Variants in SEMA5A observed in about 807,000 individuals in gnomAD.
SEMA5A encodes semaphorin 5A, also known as semaphorin-5A.
Under a neutral mutation model 135.5 loss-of-function variants are expected in SEMA5A, and 55 were observed. That is an observed-to-expected ratio of 0.41 (90% CI 0.33 to 0.51). The LOEUF is 0.51. Ranked by LOEUF, SEMA5A falls within the 20% of genes least tolerant of loss-of-function variation. SEMA5A has a pLI of 0.37. For synonymous variants in SEMA5A, 580 were observed against 546.5 expected (o/e 1.06, Z -0.85); for missense variants, 1,290 against 1,419.9 (o/e 0.91, Z 1.47).
intron 2 of SEMA5A, among the ~76,000 whole-genome samples, chr5:9,423,616 C>A (rs1757547556): frequency 6.6e-6 from 1 of 152,216 alleles, no homozygotes; most frequent in Admixed American, 6.5e-5. Flanking sequence ...AAATGTATTT[C>A]TCTTTGATAG....
intron 16 of SEMA5A, among the ~76,000 whole-genome samples, chr5:9,067,602 T>C (rs1737546910): frequency 6.6e-6 from 1 of 152,042 alleles, no homozygotes; most frequent in Non-Finnish European, 1.5e-5. Context: ...TAAAATAAAA[T>C]AAATTGCTCT....
chr5:9,474,788 C>A (rs1392397612), intron 1 of SEMA5A, among the ~76,000 whole-genome samples: 2 of 152,148 alleles, frequency 1.3e-5, no homozygotes, highest in South Asian at 4.1e-4. Context: ...CCCCCTCGCC[C>A]GAGACACTCT....
intron 16 of SEMA5A, among the ~76,000 whole-genome samples, chr5:9,107,578 A>G (rs1169506061): frequency 6.6e-6 from 1 of 152,220 alleles, no homozygotes. Flanking sequence ...TTTGTGACTC[A>G]GAAATCAGAA....
rs367727492 is a variant in SEMA5A at position 9,379,976 on chromosome 5, C to T, written c.-30G>A. 1.4e-5 allele frequency: 23 copies of T among 1,592,046 alleles called. No individual in the cohort carries two copies. Among genetic ancestry groups the T allele is most frequent in the Middle Eastern group, 1.7e-4 (1 of 5,920 alleles). On this transcript the variant is annotated 5_prime_UTR_variant, in exon 3 of 23. It adds an upstream start codon to the 5' untranslated region. Coordinates refer to ENST00000382496, the MANE Select transcript of SEMA5A (RefSeq NM_003966.3). ...GGCAAGGGGCCTCTGACTCTGGGCA[C>T]GTGTCTTCTAAACAGAAGCTCTTCT...
chr5:9,153,650 C>T (rs887168091), intron 12 of SEMA5A, among the ~76,000 whole-genome samples: 4 of 151,966 alleles, frequency 2.6e-5, no homozygotes, highest in African/African-American at 9.7e-5. Flanking sequence ...ACTGCAGCAA[C>T]ATCAACCACT....
At chr5:9,075,818 G>C (rs1289237421) in intron 16 of SEMA5A, among the ~76,000 whole-genome samples, 2 of 152,068 alleles carry the variant, frequency 1.3e-5, no homozygotes, top group Non-Finnish European at 2.9e-5. Context: ...GTAGTGCATT[G>C]TATGCCAACC....
chr5:9,107,024 G>A (rs1739955256), intron 16 of SEMA5A, among the ~76,000 whole-genome samples: 1 of 152,192 alleles, frequency 6.6e-6, no homozygotes, highest in African/African-American at 2.4e-5. Flanking sequence ...TCTCGGCTGT[G>A]TGGTTTTTGC....
intron 5 of SEMA5A, among the ~76,000 whole-genome samples, chr5:9,312,491 TAA>T (rs1201571343): frequency 6.6e-6 from 1 of 152,206 alleles, no homozygotes; most frequent in Non-Finnish European, 1.5e-5. Flanking sequence ...CTTTAAATGT[TAA>T]GAGACATCTT....
chr5:9,239,241 A>G (rs1235359473), intron 5 of SEMA5A, among the ~76,000 whole-genome samples: 1 of 152,178 alleles, frequency 6.6e-6, no homozygotes, highest in Non-Finnish European at 1.5e-5. Flanking sequence ...AGACTTGAAG[A>G]TTTTTGTCAG....
chr5:9,411,045 A>G (rs1757090794), intron 2 of SEMA5A, among the ~76,000 whole-genome samples: 1 of 151,158 alleles, frequency 6.6e-6, no homozygotes, highest in Non-Finnish European at 1.5e-5. Context: ...AAAACTATGT[A>G]TACTGTGTAA....
intron 3 of SEMA5A, among the ~76,000 whole-genome samples, chr5:9,348,543 A>G (rs1753977366): frequency 6.6e-6 from 1 of 152,226 alleles, no homozygotes; most frequent in Non-Finnish European, 1.5e-5. Flanking sequence ...CCAGTGCAGA[A>G]GGGTTTTCAT....
At position 9,136,543 on chromosome 5, in the gene SEMA5A, C is replaced by G. The variant is rs1332734567; in HGVS notation, c.1560G>C (p.Leu520=). 33 of 1,614,064 alleles carry G rather than the reference C, an allele frequency of 2.0e-5. No homozygotes were observed. Among genetic ancestry groups the G allele is most frequent in the Non-Finnish European group, 2.6e-5 (31 of 1,180,026 alleles). ...TGCTCTGTTCCCACTGCGTCATGCT[C>G]AGGCTCTCCTCCAGGCTTGTGCATT... ...MKKCTSLEES[L]SMTQWEQSIS... Residue 520 remains leucine, a synonymous_variant, in exon 13 of 23, where the codon CTG becomes CTC. Coordinates refer to ENST00000382496, the MANE Select transcript of SEMA5A (RefSeq NM_003966.3).
At chr5:9,047,216 G>T (rs918851182) in intron 21 of SEMA5A, among the ~76,000 whole-genome samples, 2 of 152,186 alleles carry the variant, frequency 1.3e-5, no homozygotes, top group Non-Finnish European at 1.5e-5. Context: ...ACTTCCTGCT[G>T]CACCGGTAAC....
intron 1 of SEMA5A, among the ~76,000 whole-genome samples, chr5:9,442,335 C>T (rs1424815373): frequency 2.0e-5 from 3 of 152,204 alleles, no homozygotes; most frequent in Non-Finnish European, 4.4e-5. Flanking sequence ...TGGCAACACC[C>T]TATGCATGTT....
chr5:9,526,128 C>T (rs997013026), intron 1 of SEMA5A, among the ~76,000 whole-genome samples: 9 of 152,192 alleles, frequency 5.9e-5, no homozygotes, highest in Non-Finnish European at 1.2e-4. Context: ...TGCTATAAAG[C>T]TTGCATTGTA....
chr5:9,247,363 T>C (rs1000767537), intron 5 of SEMA5A, among the ~76,000 whole-genome samples: 3 of 152,298 alleles, frequency 2.0e-5, no homozygotes, highest in Admixed American at 1.3e-4. Flanking sequence ...CCAATATTGA[T>C]GTAAATATAT....
intron 16 of SEMA5A, among the ~76,000 whole-genome samples, chr5:9,069,837 G>A (rs886849853): frequency 6.6e-5 from 10 of 152,074 alleles, no homozygotes; most frequent in African/African-American, 2.4e-4. Flanking sequence ...CCCAATGAAT[G>A]CCATAAACCC....
intron 1 of SEMA5A, among the ~76,000 whole-genome samples, chr5:9,491,286 G>A (rs575912471): frequency 1.3e-5 from 2 of 152,230 alleles, no homozygotes; most frequent in African/African-American, 4.8e-5. Context: ...TTCGGGGCAC[G>A]AGACTGGTCT....
Position 9,042,737 on chromosome 5 carries a change from A to G in SEMA5A, c.*160T>C, listed in dbSNP as rs527485197. Reference sequence around the variant, plus strand: ...TCTTATTTCAATTTTTGTTGCTTTTAAAGACGTGTATTTTTGGCAGCAATG... The same window carrying G: ...TCTTATTTCAATTTTTGTTGCTTTTGAAGACGTGTATTTTTGGCAGCAATG... On this transcript the variant is annotated 3_prime_UTR_variant, in exon 23 of 23. Transcript: ENST00000382496. 36 of 757,916 alleles carry G rather than the reference A, an allele frequency of 4.7e-5. No homozygotes were observed. In the Admixed American group the frequency reaches 8.1e-4, roughly 17 times the overall value. 46.9% of individuals were successfully genotyped at this position (757,916 alleles called of 1,614,324 possible). A position where few individuals can be genotyped will look rare whatever the true frequency, so the allele number is the denominator to read the frequency against.
Sources: allele counts gnomAD v4.1 joint callset (sites outside exome capture counted in the v4.1 genomes callset), GRCh38; gene constraint gnomAD v4.1.1; transcripts MANE v1.5; gene names NCBI Gene and HGNC (gene_info 2026-07-23, HGNC 2026-07-21).